Variants in LDB2 observed in about 807,000 individuals in gnomAD.
LDB2 encodes the protein LIM domain-binding protein 2.
In LDB2, 12 loss-of-function variants were observed where a neutral mutation model predicts 44.3. The ratio of observed to expected loss-of-function variants is 0.27; its 90% CI spans 0.17 to 0.44. LDB2 has a LOEUF of 0.44. LDB2 is among the 20% of genes least tolerant of loss of function. LDB2 has a pLI of 1.00. For synonymous variants in LDB2, 164 were observed against 174.8 expected (o/e 0.94, Z 0.49); for missense variants, 344 against 473.5 (o/e 0.73, Z 2.54).
At chr4:16,553,179 G>T (rs1738266718) in intron 5 of LDB2, among the ~76,000 whole-genome samples, 1 of 152,144 alleles carries the variant, frequency 6.6e-6, no homozygotes, top group African/African-American at 2.4e-5. Context: ...TTGAGACAGG[G>T]TACCTTGCTC....
At chr4:16,757,381 A>G (rs1471110457) in intron 2 of LDB2, among the ~76,000 whole-genome samples, 2 of 152,246 alleles carry the variant, frequency 1.3e-5, no homozygotes, top group Non-Finnish European at 2.9e-5. Context: ...GGCCTGGGCA[A>G]CAATGGCTGG....
At chr4:16,650,023 G>T (rs1737830028) in intron 2 of LDB2, among the ~76,000 whole-genome samples, 1 of 152,136 alleles carries the variant, frequency 6.6e-6, no homozygotes, top group Non-Finnish European at 1.5e-5. Flanking sequence ...GGATCTTTCT[G>T]ACATTGTTCT....
intron 2 of LDB2, among the ~76,000 whole-genome samples, chr4:16,683,867 A>C (rs1024502566): frequency 1.3e-5 from 2 of 152,202 alleles, no homozygotes; most frequent in African/African-American, 2.4e-5. Flanking sequence ...CTGTGGCCCC[A>C]TCACCTGCAG....
At position 16,809,121 on chromosome 4, in the gene LDB2, C is replaced by A. The variant is rs116606351; in HGVS notation, c.133-49861G>T. On this transcript the variant is annotated intron_variant, in intron 1 of 7. Coordinates refer to ENST00000304523, the MANE Select transcript of LDB2 (RefSeq NM_001290.5). ...AGATCCCCTAAATCTTAGGAGATGG[C>A]AGAGCTACAATTGAAAAGAGCCTGG... Among the ~76,000 whole-genome samples, 247 of 152,218 alleles carry A rather than the reference C, an allele frequency of 1.6e-3. 1 individual carries two copies. Among genetic ancestry groups the A allele is most frequent in the African/African-American group, 5.7e-3 (237 of 41,542 alleles).
In LDB2 at chr4:16,870,664, G is replaced by A. The variant is rs534695523; in HGVS notation, c.132+27690C>T. Among the ~76,000 whole-genome samples, 14 of 151,262 alleles carry A rather than the reference G, an allele frequency of 9.3e-5. No individual in the cohort carries two copies. The South Asian group carries it at 2.1e-3, about 23-fold the overall frequency. On this transcript the variant is annotated intron_variant, in intron 1 of 7. Transcript: ENST00000304523. The stretch of plus-strand genomic sequence containing the variant: ...ATTTATTTATTTTAGATGGAGTCTC[G>A]CTCTTGTCACCCAGGCTGGAGTGCA...
chr4:16,879,707 A>G (rs1408274022), intron 1 of LDB2, among the ~76,000 whole-genome samples: 1 of 152,180 alleles, frequency 6.6e-6, no homozygotes, highest in African/African-American at 2.4e-5. Flanking sequence ...GGGACTTCTC[A>G]GCTTCCATAA....
chr4:16,772,254 A>C (rs576321317), intron 1 of LDB2, among the ~76,000 whole-genome samples: 2 of 152,266 alleles, frequency 1.3e-5, no homozygotes, highest in South Asian at 4.1e-4. Context: ...TGATCATTCA[A>C]TTTTGTTTGT....
At chr4:16,522,187 G>T (rs551733513) in intron 5 of LDB2, among the ~76,000 whole-genome samples, 8 of 152,202 alleles carry the variant, frequency 5.3e-5, no homozygotes, top group African/African-American at 7.2e-5. Flanking sequence ...TTACCAAGAG[G>T]GGGGCAGGGG....
chr4:16,737,586 T>G (rs976594932), intron 2 of LDB2, among the ~76,000 whole-genome samples: 2 of 152,112 alleles, frequency 1.3e-5, no homozygotes. Flanking sequence ...TGAAGCTAAT[T>G]CATAAAACAG....
At position 16,615,540 on chromosome 4, in the gene LDB2, G is replaced by A. The variant is rs560107346; in HGVS notation, c.236-19665C>T. Reference sequence around the variant, plus strand: ...AAACACCACATGTTCTCGCTCATAAGTGAGAGTTGAACACTGAGAACACAT... The same window carrying A: ...AAACACCACATGTTCTCGCTCATAAATGAGAGTTGAACACTGAGAACACAT... On this transcript the variant is annotated intron_variant, in intron 2 of 7. Coordinates refer to ENST00000304523, the MANE Select transcript of LDB2 (RefSeq NM_001290.5). Among the ~76,000 whole-genome samples, 5 of 152,218 alleles carry A rather than the reference G, an allele frequency of 3.3e-5. No individual in the cohort carries two copies. The East Asian group carries it at 9.7e-4, about 30-fold the overall frequency.
At chr4:16,636,421 G>C (rs964074146) in intron 2 of LDB2, among the ~76,000 whole-genome samples, 12 of 152,224 alleles carry the variant, frequency 7.9e-5, no homozygotes, top group African/African-American at 2.9e-4. Flanking sequence ...ACACCTAACA[G>C]GCAGTAGGCC....
chr4:16,836,903 T>C (rs80088980), intron 1 of LDB2, among the ~76,000 whole-genome samples: 3,418 of 152,290 alleles, frequency 0.022, 119 homozygotes, highest in African/African-American at 0.073. Context: ...TGTAGGAAGG[T>C]CTAATTAAAA....
intron 2 of LDB2, among the ~76,000 whole-genome samples, chr4:16,756,319 G>A (rs1030557956): frequency 6.6e-5 from 10 of 151,890 alleles, no homozygotes; most frequent in African/African-American, 1.2e-4. Flanking sequence ...GAGTGGTGGC[G>A]GACACCTGCA....
intron 2 of LDB2, among the ~76,000 whole-genome samples, chr4:16,656,776 A>G (rs993309691): frequency 6.6e-6 from 1 of 152,212 alleles, no homozygotes; most frequent in Non-Finnish European, 1.5e-5. Context: ...TTTGTACTAT[A>G]TAACATTGTA....
intron 3 of LDB2, among the ~76,000 whole-genome samples, chr4:16,594,599 G>A (rs576552966): frequency 6.6e-5 from 10 of 152,232 alleles, no homozygotes; most frequent in East Asian, 3.9e-4. Flanking sequence ...CTTTGGTTTC[G>A]TACACCAGCA....
intron 2 of LDB2, among the ~76,000 whole-genome samples, chr4:16,600,687 T>C (rs1467441341): frequency 6.6e-6 from 1 of 152,160 alleles, no homozygotes; most frequent in African/African-American, 2.4e-5. Context: ...TTCGTTGTTG[T>C]TCTATTTTGT....
At chr4:16,722,337 G>A (rs1514645) in intron 2 of LDB2, among the ~76,000 whole-genome samples, 59,316 of 151,802 alleles carry the variant, frequency 0.39, 11,828 homozygotes, top group Admixed American at 0.43. Context: ...GGGATCAAAT[G>A]GAATTCCAAC....
chr4:16,687,956 T>C (rs1749673752), intron 2 of LDB2, among the ~76,000 whole-genome samples: 1 of 152,198 alleles, frequency 6.6e-6, no homozygotes, highest in Non-Finnish European at 1.5e-5. Flanking sequence ...AGAAAAGTAG[T>C]ATCCCACTTG....
intron 1 of LDB2, among the ~76,000 whole-genome samples, chr4:16,892,693 C>T (rs1347288596): frequency 6.6e-6 from 1 of 152,086 alleles, no homozygotes; most frequent in Non-Finnish European, 1.5e-5. Flanking sequence ...AAAGCGGGTG[C>T]TCTGTGTTCC....
Sources: allele counts gnomAD v4.1 joint callset (sites outside exome capture counted in the v4.1 genomes callset), GRCh38; gene constraint gnomAD v4.1.1; transcripts MANE v1.5; gene names NCBI Gene and HGNC (gene_info 2026-07-23, HGNC 2026-07-21).